POSTN: variants seen among roughly 807,000 people sequenced by gnomAD.
POSTN encodes periostin.
A neutral mutation model predicts 104.5 loss-of-function variants in POSTN; 71 were observed. The observed-to-expected ratio is 0.68, with a 90% confidence interval of 0.56 to 0.83. POSTN has a LOEUF of 0.83. Ranked by LOEUF, POSTN falls within the 40% of genes least tolerant of loss-of-function variation. POSTN has a pLI of 0.00. For synonymous variants in POSTN, 355 were observed against 340.7 expected, an observed-to-expected ratio of 1.04 and a Z score of -0.46; for missense variants, 949 against 1,006.8, an observed-to-expected ratio of 0.94 and a Z score of 0.78.
intron 2 of POSTN, among the ~76,000 whole-genome samples, chr13:37,595,095 T>C (rs1466077148): frequency 3.3e-5 from 5 of 151,960 alleles, no homozygotes; most frequent in Admixed American, 2.6e-4. Context: ...GCATAGCCTC[T>C]GTACAAGCCT....
chr13:37,590,746 G>GA (rs35752952), intron 3 of POSTN, among the ~76,000 whole-genome samples: 1 of 151,016 alleles, frequency 6.6e-6, no homozygotes, highest in Admixed American at 6.6e-5. Flanking sequence ...TTGTGTTGAG[G>GA]AAAAAAAAAT....
chr13:37,581,700 G>A (rs1267402540), intron 10 of POSTN, among the ~76,000 whole-genome samples: 1 of 151,884 alleles, frequency 6.6e-6, no homozygotes, highest in East Asian at 1.9e-4. Context: ...CTCCAGCCTG[G>A]GTGACAGAGT....
chr13:37,582,094 T>C (rs994368440), intron 10 of POSTN, among the ~76,000 whole-genome samples: 1 of 152,234 alleles, frequency 6.6e-6, no homozygotes, highest in Admixed American at 6.5e-5. Flanking sequence ...TTAAAAAATT[T>C]ACTGCTTTCT....
chr13:37,580,190 AT>A (rs894206825), intron 11 of POSTN, among the ~76,000 whole-genome samples, 199 bp from the exon 12 acceptor site: 4 of 152,154 alleles, frequency 2.6e-5, no homozygotes, highest in African/African-American at 7.2e-5. Context: ...ACAATTTTTA[AT>A]TTTTTTCATC....
At chr13:37,580,776 T>C in intron 10 of POSTN, 79 bp from the exon 11 acceptor site, 1 of 1,575,444 alleles carries the variant, frequency 6.3e-7, no homozygotes. Flanking sequence ...CATAATTAAG[T>C]TTCCGGATCG....
At chr13:37,575,426 C>T (rs1478351706) in intron 16 of POSTN, among the ~76,000 whole-genome samples, 2 of 151,994 alleles carry the variant, frequency 1.3e-5, no homozygotes, top group Admixed American at 1.3e-4. Context: ...ATATATCCAT[C>T]TATCAAACCT....
At chr13:37,581,784 A>G (rs1337392229) in intron 10 of POSTN, among the ~76,000 whole-genome samples, 3 of 152,126 alleles carry the variant, frequency 2.0e-5, no homozygotes, top group Admixed American at 6.5e-5. Context: ...ATGTGCCAAT[A>G]AAGGTTTATC....
In POSTN at chr13:37,579,101, C is replaced by T. The variant is rs1188079002; in HGVS notation, c.1812G>A (p.Val604=). 3 of 1,612,630 alleles carry T rather than the reference C, an allele frequency of 1.9e-6. No homozygotes were observed. Among genetic ancestry groups the T allele is most frequent in the Non-Finnish European group, 2.5e-6 (3 of 1,179,366 alleles). The part of the protein sequence containing the change: ...FLKEVNDTLL[V]NELKSKESDI... Reference sequence around the variant, plus strand: ...CAGATTCTTTTGATTTCAATTCATTCACCAGAAGTGTATCATTTACCTATC... The same window carrying T: ...CAGATTCTTTTGATTTCAATTCATTTACCAGAAGTGTATCATTTACCTATC... The change falls in exon 14 of 23, where the codon GTG becomes GTA. Residue 604 remains valine, a synonymous_variant. Coordinates refer to ENST00000379747, the MANE Select transcript of POSTN (RefSeq NM_006475.3).
At chr13:37,564,706 C>G (rs1950039318) in intron 21 of POSTN, 146 bp from the exon 22 acceptor site, 1 of 471,304 alleles carries the variant, frequency 2.1e-6, no homozygotes. Context: ...TTTTATGATC[C>G]TCAGAGTTTT....
rs564805836 is a variant in POSTN, at chr13:37,576,402, G to A, written c.2008+1351C>T. On this transcript the variant is annotated intron_variant, in intron 16 of 22. Transcript: ENST00000379747. ...GTTAGAGCTGTTTCAAGGCCTCTGG[G>A]TAGGTAGGGAAGGACCATTGAACAT... Among the ~76,000 whole-genome samples the A allele has an allele frequency of 2.1e-4, 32 of 152,242 alleles. No homozygotes were observed. The South Asian group carries it at 5.8e-3, about 28-fold the overall frequency.
Position 37,598,759 on chromosome 13 carries a change from G to C in POSTN, c.-33C>G, listed in dbSNP as rs3829365. 0.095 allele frequency: 153,305 copies of C among 1,608,544 alleles called. 9,485 individuals are homozygous for C. The highest frequency in any genetic ancestry group is 0.33 in the East Asian group (14,813 of 44,712). On this transcript the variant is annotated 5_prime_UTR_variant, in exon 1 of 23. Transcript: ENST00000379747. The stretch of plus-strand genomic sequence containing the variant: ...CTCTCCGTTGCAGTTAGTCCCCGAA[G>C]AGAACTGGCAGTGGGCTTTGGAGAG...
chr13:37,578,798 CAAAAAAAAA>C lies in POSTN; in HGVS notation c.1962+37_1962+45del, dbSNP rs60857655. 5 of 1,130,194 alleles carry C rather than the reference CAAAAAAAAA, an allele frequency of 4.4e-6. No individual in the cohort carries two copies. In the African/African-American group the frequency reaches 8.4e-5, roughly 19 times the overall value. The allele number at this position is 1,130,194 out of a possible 1,614,324, so 70.0% of individuals were successfully genotyped here. Reference sequence around the variant, plus strand: ...TGGGCGACAAAGCGAGACTCCATCTCAAAAAAAAAAAAAAAAAAAGAAATAAATCAAGTA... The same window carrying C: ...TGGGCGACAAAGCGAGACTCCATCTCAAAAAAAAAAGAAATAAATCAAGTA... On this transcript the variant is annotated intron_variant, in intron 15 of 22. Transcript: ENST00000379747.
intron 2 of POSTN, 69 bp from the exon 3 acceptor site, chr13:37,592,233 C>T (rs1244181101): frequency 1.0e-6 from 1 of 962,750 alleles, no homozygotes; most frequent in African/African-American, 1.7e-5. Context: ...ATAAATTTGA[C>T]AAAATATTTC....
chr13:37,591,982 A>G (rs1049563435), intron 3 of POSTN, 118 bp downstream of exon 3: 3 of 581,090 alleles, frequency 5.2e-6, no homozygotes, highest in African/African-American at 3.8e-5. Flanking sequence ...TAGGAGGGAT[A>G]TATCTTGGAT....
At chr13:37,597,424 T>C (rs2138422492) in intron 1 of POSTN, 142 bp from the exon 2 acceptor site, 2 of 615,992 alleles carry the variant, frequency 3.2e-6, no homozygotes. Context: ...CAAATCTAAT[T>C]ATTGACACAA....
chr13:37,573,408 A>G (rs1950311455), intron 17 of POSTN, among the ~76,000 whole-genome samples: 1 of 150,664 alleles, frequency 6.6e-6, no homozygotes, highest in Non-Finnish European at 1.5e-5. Context: ...TATTTTTTTC[A>G]AGAAAAAAAC....
intron 21 of POSTN, among the ~76,000 whole-genome samples, chr13:37,567,230 C>T (rs1411825728): frequency 6.4e-5 from 1 of 15,666 alleles, no homozygotes; most frequent in Non-Finnish European, 1.1e-4. Flanking sequence ...AGCGAGACTC[C>T]GTCTCAAAAA....
rs1950032082 is a variant in POSTN at position 37,564,502 on chromosome 13, A to G, written c.2473+17T>C. The G allele has an allele frequency of 6.6e-7, 1 of 1,511,714 alleles. No individual in the cohort carries two copies. The highest frequency in any genetic ancestry group is 9.2e-7 in the Non-Finnish European group (1 of 1,091,130). The allele number at this position is 1,511,714 out of a possible 1,614,324, so 93.6% of individuals were successfully genotyped here. ...AAAGAGGCCATATACACACATTACTATAGCCAATACACTTACCTTGAACTT... is the reference window on the plus strand; with the variant it reads ...AAAGAGGCCATATACACACATTACTGTAGCCAATACACTTACCTTGAACTT... On this transcript the variant is annotated intron_variant, in intron 22 of 22. Coordinates refer to ENST00000379747, the MANE Select transcript of POSTN (RefSeq NM_006475.3).
intron 20 of POSTN, 172 bp downstream of exon 20, chr13:37,569,571 TA>T (rs777825677): frequency 3.4e-5 from 27 of 801,492 alleles, no homozygotes; most frequent in South Asian, 8.6e-5. Flanking sequence ...AAATACTGTA[TA>T]AAAAATATGA....
Sources: allele counts gnomAD v4.1 joint callset (sites outside exome capture counted in the v4.1 genomes callset), GRCh38; gene constraint gnomAD v4.1.1; transcripts MANE v1.5; gene names NCBI Gene and HGNC (gene_info 2026-07-23, HGNC 2026-07-21).